The following GOLGA2 variants were observed in gnomAD, a reference collection of about 807,000 sequenced individuals.
The protein encoded by GOLGA2 is golgin A2.
A neutral mutation model predicts 148.8 loss-of-function variants in GOLGA2; 49 were observed. The observed-to-expected ratio is 0.33, with a 90% confidence interval of 0.26 to 0.42. GOLGA2 has a LOEUF of 0.42. Ranked by LOEUF, GOLGA2 falls within the 10% of genes least tolerant of loss-of-function variation. The pLI is 1.00. For synonymous variants in GOLGA2, 501 were observed against 511.8 expected, an observed-to-expected ratio of 0.98 and a Z score of 0.28; for missense variants, 1,178 against 1,304.6, an observed-to-expected ratio of 0.90 and a Z score of 1.49.
At position 128,273,919 on chromosome 9, in the gene GOLGA2, C is replaced by T. The variant is rs1261941142; in HGVS notation, c.138G>A (p.Lys46=). 6.2e-7 allele frequency: 1 copy of T among 1,613,718 alleles called. No homozygotes were observed. The highest frequency in any genetic ancestry group is 1.7e-5 in the Admixed American group (1 of 60,012). The change falls in exon 2 of 27, where the codon AAG becomes AAA. Residue 46 remains lysine (K), a synonymous_variant. Transcript: ENST00000611957. ...NSPGVPTGAK[K]KKKIKNGSNP... is the part of the protein sequence containing the mutation. ...TACTGCCATTTTTTATTTTCTTCTT[C>T]TTTTTCGCTCCTGTAGGAACACCAG...
At position 128,258,012 on chromosome 9, in the gene GOLGA2, G is replaced by A. The variant is rs573873357; in HGVS notation, c.2476C>T (p.Arg826Trp). 195 of 1,603,420 alleles carry A rather than the reference G, an allele frequency of 1.2e-4. No homozygotes were observed. The highest frequency in any genetic ancestry group is 8.3e-4 in the East Asian group (37 of 44,396). Residue 826 changes from arginine (R) to tryptophan (W), a missense_variant, in exon 23 of 27, where the codon CGG becomes TGG. Arg to Trp is a moderately radical substitution (Grantham distance 101). Around this residue, in one of 5 missense-constraint regions of GOLGA2, gnomAD observed 529 missense variants for 521.8 expected, o/e 1.01. Coordinates refer to ENST00000611957, the MANE Select transcript of GOLGA2 (RefSeq NM_001366244.2). The surrounding 1 kb of genome is among the most constrained non-coding windows in gnomAD (Gnocchi z 6.6). Reference protein sequence around the residue: ...GGDSVCGETHRALQGAMEKLQ... With the variant: ...GGDSVCGETHWALQGAMEKLQ... ...TTCTCCATGGCCCCCTGCAGGGCCC[G>A]GTGGGTCTCCCCACACACAGAATCA... is the stretch of plus-strand genomic sequence containing the variant.
Position 128,263,057 on chromosome 9 carries a change from G to T in GOLGA2, c.969C>A (p.Leu323=). 1 of 1,610,432 alleles carries T rather than the reference G, an allele frequency of 6.2e-7. No individual in the cohort carries two copies. The highest frequency in any genetic ancestry group is 8.5e-7 in the Non-Finnish European group (1 of 1,176,992). ...NKELTKERDA[L]RLELYKNTQS... is the part of the protein sequence containing the mutation. ...ACGTGTTCTTGTATAACTCCAGCCT[G>T]AGGGCGTCTCTCTCTTTGGTTAACT... The change falls in exon 13 of 27, where the codon CTC becomes CTA. Residue 323 remains leucine (L), a synonymous_variant. Transcript: ENST00000611957.
At position 128,258,438 on chromosome 9, in the gene GOLGA2, G is replaced by T. The variant is rs760037175; in HGVS notation, c.2289+17C>A. ...AGAGGGAGGCAGCAAAGGTTGGGGA[G>T]GGGGAGTCAGCCTCACCATGGCTTC... On this transcript the variant is annotated intron_variant, in intron 22 of 26. Coordinates refer to ENST00000611957, the MANE Select transcript of GOLGA2 (RefSeq NM_001366244.2). This position sits in a 1 kb window ranked among gnomAD's most constrained non-coding sequence, Gnocchi z 6.6. 6.2e-7 allele frequency: 1 copy of T among 1,600,164 alleles called. No individual in the cohort carries two copies. The highest frequency in any genetic ancestry group is 1.1e-5 in the South Asian group (1 of 90,576).
intron 10 of GOLGA2, 31 bp from the exon 11 acceptor site, chr9:128,265,912 AAAG>A (rs1399977252): frequency 1.9e-6 from 3 of 1,606,512 alleles, no homozygotes; most frequent in Non-Finnish European, 2.6e-6. Context: ...AAGTGCTGAA[AAAG>A]AAGGAAAGAA....
rs1341029374 is a variant in GOLGA2, at chr9:128,257,484, C to T, written c.2760G>A (p.Val920=). 1 of 1,613,648 alleles carries T rather than the reference C, an allele frequency of 6.2e-7. No individual in the cohort carries two copies. Among genetic ancestry groups the T allele is most frequent in the East Asian group, 2.2e-5 (1 of 44,882 alleles). Residue 920 remains valine (V), a synonymous_variant, in exon 26 of 27, where the codon GTG becomes GTA. Transcript: ENST00000611957. This position sits in a 1 kb window ranked among gnomAD's most constrained non-coding sequence, Gnocchi z 8.0. The part of the protein sequence containing the change: ...LELQELVLRL[V]GDRNEWHGRF... ...TGCCATGCCACTCGTTGCGGTCGCC[C>T]ACAAGCCGTAAGACCAGCTCCTGCA... is the stretch of plus-strand genomic sequence containing the variant.
rs1182031522 is a variant in GOLGA2, at chr9:128,266,410, G to A, written c.643-85C>T. ...ACCAGGAACGGGTAGGCAGGGGCCA[G>A]GAATGGATTTTAAAGGCAAAGTTCT... On this transcript the variant is annotated intron_variant, in intron 8 of 26. Transcript: ENST00000611957. The surrounding 1 kb of genome is among the most constrained non-coding windows in gnomAD (Gnocchi z 4.2). 15 of 1,227,404 alleles carry A rather than the reference G, an allele frequency of 1.2e-5. No individual in the cohort carries two copies. Among genetic ancestry groups the A allele is most frequent in the Non-Finnish European group, 1.7e-5 (14 of 839,898 alleles). 76.0% of individuals were successfully genotyped at this position (1,227,404 alleles called of 1,614,324 possible). A position where few individuals can be genotyped will look rare whatever the true frequency, so the allele number is the denominator to read the frequency against.
At position 128,260,526 on chromosome 9, in the gene GOLGA2, A is replaced by G; in HGVS notation, c.1697T>C (p.Leu566Pro). ...CTCCTTGAGCTCCCGGTTCTGGGAG[A>G]GTGCGCGGCTGATGGTAGTGCGGTC... The part of the protein sequence containing the change: ...QNDRTTISRA[L>P]SQNRELKEQL... The change falls in exon 18 of 27, where the codon CTC becomes CCC. Residue 566 changes from leucine (L) to proline (P), a missense_variant. Leu to Pro is a moderately conservative substitution (Grantham distance 98, BLOSUM62 -3). Coordinates refer to ENST00000611957, the MANE Select transcript of GOLGA2 (RefSeq NM_001366244.2). The surrounding 1 kb of genome is among the most constrained non-coding windows in gnomAD (Gnocchi z 4.8). 6.2e-7 allele frequency: 1 copy of G among 1,613,320 alleles called. No homozygotes were observed. Among genetic ancestry groups the G allele is most frequent in the Non-Finnish European group, 8.5e-7 (1 of 1,179,912 alleles).
chr9:128,270,288 C>T (rs1459109393), intron 3 of GOLGA2, among the ~76,000 whole-genome samples: 3 of 151,984 alleles, frequency 2.0e-5, no homozygotes, highest in Admixed American at 6.6e-5. Flanking sequence ...CACGCTACCA[C>T]GCCCAGCTAA....
chr9:128,275,486 G>A, intron 1 of GOLGA2: 1 of 1,305,202 alleles, frequency 7.7e-7, no homozygotes, highest in Non-Finnish European at 9.8e-7. Context: ...TCCGGTTTGG[G>A]GCGGCAGGAG....
rs961154634 is a variant in GOLGA2 at position 128,260,992 on chromosome 9, G to A, written c.1420+180C>T. ...GGTGGCTGACAACGGGCACTCCTTC[G>A]TCTTTGCTGATGGGGCACTGAGGCT... On this transcript the variant is annotated intron_variant, in intron 17 of 26. Coordinates refer to ENST00000611957, the MANE Select transcript of GOLGA2 (RefSeq NM_001366244.2). This position sits in a 1 kb window ranked among gnomAD's most constrained non-coding sequence, Gnocchi z 4.8. The A allele has an allele frequency of 1.0e-5, 7 of 667,428 alleles. No individual in the cohort carries two copies. Among genetic ancestry groups the A allele is most frequent in the Admixed American group, 5.2e-5 (2 of 38,242 alleles). The allele number at this position is 667,428 out of a possible 1,614,324, so 41.3% of individuals were successfully genotyped here.
chr9:128,273,286 C>T (rs1027522517), intron 2 of GOLGA2, among the ~76,000 whole-genome samples: 1 of 152,236 alleles, frequency 6.6e-6, no homozygotes, highest in Non-Finnish European at 1.5e-5. Context: ...AGACACTGAT[C>T]ATATCCAATG....
In GOLGA2 at chr9:128,265,775, C is replaced by T. The variant is rs1367415172; in HGVS notation, c.826+13G>A. 3 of 1,612,288 alleles carry T rather than the reference C, an allele frequency of 1.9e-6. No individual in the cohort carries two copies. In the Admixed American group the frequency reaches 5.0e-5, roughly 27 times the overall value. Reference sequence around the variant, plus strand: ...TGCCAGGTTGAAGGATGATGGGGTGCCCAGATTCCCACCTTCTTTCTGCCT... The same window carrying T: ...TGCCAGGTTGAAGGATGATGGGGTGTCCAGATTCCCACCTTCTTTCTGCCT... On this transcript the variant is annotated intron_variant, in intron 11 of 26. Transcript: ENST00000611957.
chr9:128,257,131 T>C lies in GOLGA2; in HGVS notation c.3026A>G (p.Asn1009Ser). 1 of 1,614,076 alleles carries C rather than the reference T, an allele frequency of 6.2e-7. No individual in the cohort carries two copies. The highest frequency in any genetic ancestry group is 8.5e-7 in the Non-Finnish European group (1 of 1,179,970). Residue 1009 changes from asparagine (N) to serine (S), a missense_variant, in exon 27 of 27, where the codon AAC becomes AGC. Around this residue, in one of 5 missense-constraint regions of GOLGA2, gnomAD observed 149 missense variants for 154.9 expected, o/e 0.96. Coordinates refer to ENST00000611957, the MANE Select transcript of GOLGA2 (RefSeq NM_001366244.2). This position sits in a 1 kb window ranked among gnomAD's most constrained non-coding sequence, Gnocchi z 8.0. ...CCGGTAAAAAAAAGGAATGCAGGGG[T>C]TGCTGCCCAAGCCTGGGCGCTCCCG... is the stretch of plus-strand genomic sequence containing the variant. ...NPRERPGLGS[N>S]PCIPFFYRAD...
rs372407712 is a variant in GOLGA2 at position 128,260,659 on chromosome 9, G to A, written c.1564C>T (p.Arg522Cys). 3.7e-5 allele frequency: 59 copies of A among 1,612,662 alleles called. No individual in the cohort carries two copies. The highest frequency in any genetic ancestry group is 1.0e-4 in the Admixed American group (6 of 59,996). ...CTCTCCTCCTGCTCCCGGTTCAGGC[G>A]ACTCAAGCCCTCATTGTCTTGCACC... ...AQVQDNEGLS[R>C]LNREQEERLL... Residue 522 changes from arginine to cysteine, a missense_variant, in exon 18 of 27, where the codon CGC becomes TGC. By Grantham distance (180) the Arg-to-Cys change is radical. Coordinates refer to ENST00000611957, the MANE Select transcript of GOLGA2 (RefSeq NM_001366244.2). This position sits in a 1 kb window ranked among gnomAD's most constrained non-coding sequence, Gnocchi z 4.8.
intron 1 of GOLGA2, among the ~76,000 whole-genome samples, chr9:128,274,273 C>T (rs772339051): frequency 2.6e-4 from 39 of 152,250 alleles, no homozygotes; most frequent in Middle Eastern, 3.4e-3. Flanking sequence ...ATCCCAGAAA[C>T]GGGATGAGAA....
At position 128,266,856 on chromosome 9, in the gene GOLGA2, A is replaced by C; in HGVS notation, c.642+338T>G. On this transcript the variant is annotated intron_variant, in intron 8 of 26. Coordinates refer to ENST00000611957, the MANE Select transcript of GOLGA2 (RefSeq NM_001366244.2). The surrounding 1 kb of genome is among the most constrained non-coding windows in gnomAD (Gnocchi z 4.2). ...AAGGAGGAGAGGTGGCTTGTCCCAA[A>C]TCAAAGAGCAAATTAAGGACTGAGT... 1 of 422,960 alleles carries C rather than the reference A, an allele frequency of 2.4e-6. No homozygotes were observed. The highest frequency in any genetic ancestry group is 4.0e-5 in the Admixed American group (1 of 25,094). 26.2% of individuals were successfully genotyped at this position (422,960 alleles called of 1,614,324 possible). A position where few individuals can be genotyped will look rare whatever the true frequency, so the allele number is the denominator to read the frequency against.
rs1188692760 is a variant in GOLGA2, at chr9:128,256,666, A to G, written c.*401T>C. ...GCTGGGATTACAGGCACGTGCCACC[A>G]TGCCTGGCTAATTTTTGTATTTTTA... On this transcript the variant is annotated 3_prime_UTR_variant, in exon 27 of 27. Coordinates refer to ENST00000611957, the MANE Select transcript of GOLGA2 (RefSeq NM_001366244.2). The G allele has an allele frequency of 6.4e-6, 1 of 155,522 alleles. No homozygotes were observed. Among genetic ancestry groups the G allele is most frequent in the Non-Finnish European group, 1.4e-5 (1 of 70,624 alleles). 9.6% of individuals were successfully genotyped at this position (155,522 alleles called of 1,614,324 possible).
At position 128,259,057 on chromosome 9, in the gene GOLGA2, T is replaced by C; in HGVS notation, c.2123A>G (p.Gln708Arg). Reference protein sequence around the residue: ...TQERLEAATQQNQQLRAQLSL... With the variant: ...TQERLEAATQRNQQLRAQLSL... ...CAACTGGGCCCGTAGCTGCTGATTC[T>C]GCTGGGTGGCAGCTTCCAGGCGCTC... The change falls in exon 21 of 27, where the codon CAG becomes CGG. Residue 708 changes from glutamine (Q) to arginine (R), a missense_variant. This residue lies in a region of GOLGA2 where 529 missense variants were observed against 521.8 expected (regional missense o/e 1.01). Transcript: ENST00000611957. 1 of 1,611,888 alleles carries C rather than the reference T, an allele frequency of 6.2e-7. No individual in the cohort carries two copies.
intron 1 of GOLGA2, chr9:128,275,281 G>C (rs1831245741): frequency 1.5e-6 from 1 of 687,118 alleles, no homozygotes; most frequent in Admixed American, 3.5e-5. Context: ...AGAACACTTA[G>C]GGGACTGGGT....
Sources: allele counts gnomAD v4.1 joint callset (sites outside exome capture counted in the v4.1 genomes callset), GRCh38; gene constraint gnomAD v4.1.1; regional missense constraint gnomAD v4.1.1; non-coding constraint Gnocchi (gnomAD v3.1); transcripts MANE v1.5; gene names NCBI Gene and HGNC (gene_info 2026-07-23, HGNC 2026-07-21).